The following ODAD2 variants were observed in gnomAD, a reference collection of about 807,000 sequenced individuals.
ODAD2 encodes outer dynein arm docking complex subunit 2, also known as outer dynein arm-docking complex subunit 2.
A neutral mutation model predicts 106.8 loss-of-function variants in ODAD2; 89 were observed. That is an observed-to-expected ratio of 0.83 (90% CI 0.70 to 0.99). ODAD2 has a LOEUF of 0.99. Among genes scored for constraint, ODAD2 ranks in the 50% least tolerant of loss-of-function variants. The pLI is 0.00. For synonymous variants in ODAD2, 404 were observed against 436.2 expected, an observed-to-expected ratio of 0.93 and a Z score of 0.92; for missense variants, 1,168 against 1,238.5, an observed-to-expected ratio of 0.94 and a Z score of 0.85.
chr10:27,895,040 C>CA (rs1842776465), intron 17 of ODAD2, among the ~76,000 whole-genome samples: 7 of 39,066 alleles, frequency 1.8e-4, no homozygotes, highest in African/African-American at 5.4e-4. Flanking sequence ...GTCATCGGTA[C>CA]GAAAAAAAAA....
intron 19 of ODAD2, among the ~76,000 whole-genome samples, chr10:27,816,373 T>C (rs545401261): frequency 9.0e-4 from 137 of 152,248 alleles, no homozygotes; most frequent in Non-Finnish European, 1.5e-3. Context: ...ACAGGGAAGT[T>C]TGGAGGGGCT....
chr10:27,845,805 A>C (rs937654134), intron 19 of ODAD2, among the ~76,000 whole-genome samples: 1 of 152,234 alleles, frequency 6.6e-6, no homozygotes, highest in Admixed American at 6.5e-5. Context: ...TTAAACCAAC[A>C]AATATCAAAA....
chr10:27,843,206 C>T (rs1405289347), intron 19 of ODAD2, among the ~76,000 whole-genome samples: 2 of 152,144 alleles, frequency 1.3e-5, no homozygotes, highest in African/African-American at 4.8e-5. Context: ...TAAGCTGAAG[C>T]TGTTTACTGT....
At chr10:27,947,981 C>T (rs1847058480) in intron 10 of ODAD2, among the ~76,000 whole-genome samples, 1 of 152,200 alleles carries the variant, frequency 6.6e-6, no homozygotes, top group African/African-American at 2.4e-5. Context: ...TAATTTTTCT[C>T]TTCTAGACAA....
chr10:27,955,447 T>G (rs928588151), intron 10 of ODAD2, among the ~76,000 whole-genome samples: 1 of 152,080 alleles, frequency 6.6e-6, no homozygotes, highest in Non-Finnish European at 1.5e-5. Context: ...CCAGGCAATG[T>G]GCAATAAAGA....
chr10:27,945,349 T>C (rs968198523), intron 10 of ODAD2, among the ~76,000 whole-genome samples: 7 of 152,150 alleles, frequency 4.6e-5, no homozygotes, highest in African/African-American at 1.7e-4. Flanking sequence ...CCTACAGATG[T>C]GCATAGAACA....
rs146452990 is a variant in ODAD2 at position 27,826,342 on chromosome 10, C to T, written c.3022-13717G>A. Among the ~76,000 whole-genome samples, 81 of 152,262 alleles carry T rather than the reference C, an allele frequency of 5.3e-4. 2 individuals are homozygous for T. The East Asian group carries it at 9.9e-3, about 19-fold the overall frequency. On this transcript the variant is annotated intron_variant, in intron 19 of 19. Coordinates refer to ENST00000305242, the MANE Select transcript of ODAD2 (RefSeq NM_018076.5). ...ATGTACATCCATTGCAGCAATGGCA[C>T]ACACATTATGATCTCTAATTTCCAT...
At chr10:27,874,821 C>A (rs530884109) in intron 17 of ODAD2, among the ~76,000 whole-genome samples, 171 of 152,258 alleles carry the variant, frequency 1.1e-3, no homozygotes, top group Non-Finnish European at 1.9e-3. Flanking sequence ...GTGAATCTGA[C>A]AATTATGTGT....
At chr10:27,942,445 T>C (rs1309339453) in intron 12 of ODAD2, among the ~76,000 whole-genome samples, 1 of 152,170 alleles carries the variant, frequency 6.6e-6, no homozygotes, top group Admixed American at 6.5e-5. Context: ...AGTTAGTCTA[T>C]AGGAAAACTG....
chr10:27,931,951 C>T (rs1845644724), intron 16 of ODAD2, among the ~76,000 whole-genome samples: 1 of 151,870 alleles, frequency 6.6e-6, no homozygotes, highest in Non-Finnish European at 1.5e-5. Flanking sequence ...ATTTAATATA[C>T]CTAACCTACT....
intron 16 of ODAD2, among the ~76,000 whole-genome samples, chr10:27,927,195 G>A (rs1039665304): frequency 2.0e-5 from 3 of 152,060 alleles, no homozygotes. Context: ...TATTCCTACT[G>A]AGAAACATAT....
chr10:27,934,766 A>G (rs1007166238), intron 16 of ODAD2, among the ~76,000 whole-genome samples: 6 of 152,176 alleles, frequency 3.9e-5, no homozygotes, highest in African/African-American at 1.4e-4. Flanking sequence ...AGGTTTCCAC[A>G]TGGGAAATTG....
At chr10:27,879,961 A>G (rs1186593066) in intron 17 of ODAD2, among the ~76,000 whole-genome samples, 1 of 152,208 alleles carries the variant, frequency 6.6e-6, no homozygotes, top group Non-Finnish European at 1.5e-5. Flanking sequence ...GAAAATAAAC[A>G]CAGAGTTTAA....
At chr10:27,894,042 G>T (rs1166896119) in intron 17 of ODAD2, among the ~76,000 whole-genome samples, 2 of 152,192 alleles carry the variant, frequency 1.3e-5, no homozygotes. Flanking sequence ...CTACTCTGGA[G>T]GCTGAGGCAG....
intron 12 of ODAD2, among the ~76,000 whole-genome samples, chr10:27,943,827 A>AAAAAAC (rs1846644642): frequency 7.0e-6 from 1 of 142,848 alleles, no homozygotes; most frequent in Non-Finnish European, 1.5e-5. Flanking sequence ...AAAAAAAAAA[A>AAAAAAC]AAGGCATCAT....
intron 17 of ODAD2, among the ~76,000 whole-genome samples, chr10:27,900,895 A>T (rs1380343651): frequency 6.6e-6 from 1 of 152,240 alleles, no homozygotes; most frequent in Admixed American, 6.5e-5. Context: ...ACTCTGCAGG[A>T]TATTATCCAG....
At chr10:27,965,311 G>A (rs191933115) in intron 9 of ODAD2, among the ~76,000 whole-genome samples, 18 of 152,312 alleles carry the variant, frequency 1.2e-4, no homozygotes, top group Non-Finnish European at 2.5e-4. Context: ...TGGTTACACA[G>A]AGCCTAGGGA....
chr10:27,998,635 G>A (rs1199352856), intron 1 of ODAD2, among the ~76,000 whole-genome samples: 1 of 151,998 alleles, frequency 6.6e-6, no homozygotes, highest in Non-Finnish European at 1.5e-5. Context: ...GAGTGAGATG[G>A]GGCTGGGAGA....
chr10:27,903,447 C>A (rs540139988), intron 17 of ODAD2, among the ~76,000 whole-genome samples: 2 of 152,054 alleles, frequency 1.3e-5, no homozygotes, highest in Non-Finnish European at 2.9e-5. Context: ...AAGTTCTGGC[C>A]GGGGCAATCA....
Sources: allele counts gnomAD v4.1 joint callset (sites outside exome capture counted in the v4.1 genomes callset), GRCh38; gene constraint gnomAD v4.1.1; transcripts MANE v1.5; gene names NCBI Gene and HGNC (gene_info 2026-07-23, HGNC 2026-07-21).